The following ARHGEF26 variants were observed in gnomAD, a reference collection of about 807,000 sequenced individuals.
ARHGEF26 encodes the protein Rho guanine nucleotide exchange factor (GEF) 26.
In ARHGEF26, 59 loss-of-function variants were observed where a neutral mutation model predicts 89.4. That is an observed-to-expected ratio of 0.66 (90% confidence interval 0.54 to 0.82). The LOEUF (loss-of-function observed/expected upper bound fraction) is 0.82, where lower values mean the gene tolerates loss of function less well. ARHGEF26 is among the 40% of genes least tolerant of loss of function. The pLI, the probability that ARHGEF26 is intolerant of heterozygous loss-of-function variation, is 0.00. For synonymous variants in ARHGEF26, 500 were observed against 428.4 expected (o/e 1.17, Z -2.06); for missense variants, 1,234 against 1,085.6 (o/e 1.14, Z -1.92).
At chr3:154,249,455 A>G (rs557471552) in intron 12 of ARHGEF26, among the ~76,000 whole-genome samples, 1 of 152,370 alleles carries the variant, frequency 6.6e-6, no homozygotes, top group African/African-American at 2.4e-5. Flanking sequence ...GAGGGTTATG[A>G]AAAGACTACA....
chr3:154,126,940 A>G (rs954955751), intron 3 of ARHGEF26, among the ~76,000 whole-genome samples: 2 of 152,232 alleles, frequency 1.3e-5, no homozygotes, highest in African/African-American at 4.8e-5. Flanking sequence ...ATGTTACTGT[A>G]CTGAATACTG....
intron 10 of ARHGEF26, among the ~76,000 whole-genome samples, chr3:154,219,453 G>T (rs1390055347): frequency 6.6e-6 from 1 of 151,886 alleles, no homozygotes; most frequent in East Asian, 1.9e-4. Flanking sequence ...AAATTAGCCG[G>T]GTGTAGTGGC....
At chr3:154,187,616 G>A (rs1713661916) in intron 6 of ARHGEF26, 69 bp from the exon 7 acceptor site, 3 of 1,335,444 alleles carry the variant, frequency 2.2e-6, no homozygotes, top group Non-Finnish European at 2.0e-6. Flanking sequence ...AACATTACAT[G>A]AGGCTAATCT....
chr3:154,214,021 GAGTC>G (rs1308737637), intron 9 of ARHGEF26, among the ~76,000 whole-genome samples: 1 of 152,100 alleles, frequency 6.6e-6, no homozygotes, highest in Non-Finnish European at 1.5e-5. Context: ...TCTAGATAAG[GAGTC>G]AGTCGGACAG....
At position 154,256,894 on chromosome 3, in the gene ARHGEF26, A is replaced by G. The variant is rs1718554254; in HGVS notation, c.*1421A>G. ...GCACAGAGAGAGAAAGGTTATCTTA[A>G]TAGTCGGTTTCATGGAGATGAAGGA... On this transcript the variant is annotated 3_prime_UTR_variant, in exon 15 of 15. Coordinates refer to ENST00000465093, the MANE Select transcript of ARHGEF26 (RefSeq NM_015595.4). The G allele has an allele frequency of 1.3e-6, 2 of 1,535,054 alleles. No homozygotes were observed. Among genetic ancestry groups the G allele is most frequent in the African/African-American group, 2.7e-5 (2 of 72,998 alleles).
intron 5 of ARHGEF26, among the ~76,000 whole-genome samples, chr3:154,149,867 C>T (rs916983982): frequency 3.3e-5 from 5 of 151,252 alleles, no homozygotes; most frequent in Non-Finnish European, 7.4e-5. Flanking sequence ...GGTCTCTGAA[C>T]CCTTTTTGCA....
intron 6 of ARHGEF26, among the ~76,000 whole-genome samples, chr3:154,156,345 C>T (rs547114520): frequency 6.6e-6 from 1 of 151,976 alleles, no homozygotes; most frequent in African/African-American, 2.4e-5. Flanking sequence ...TCTGTCATAG[C>T]TTATCGTAAG....
chr3:154,198,674 C>T (rs1714435165), intron 9 of ARHGEF26, among the ~76,000 whole-genome samples: 1 of 152,006 alleles, frequency 6.6e-6, no homozygotes, highest in African/African-American at 2.4e-5. Context: ...GGGAGCTAAG[C>T]TATGAGGATG....
chr3:154,225,160 A>AT (rs1341779255), intron 10 of ARHGEF26, among the ~76,000 whole-genome samples: 1 of 152,106 alleles, frequency 6.6e-6, no homozygotes, highest in East Asian at 1.9e-4. Context: ...GCAGTATGTA[A>AT]TTTTTTGGAT....
intron 11 of ARHGEF26, among the ~76,000 whole-genome samples, chr3:154,230,932 C>G (rs1467608345): frequency 2.1e-4 from 32 of 152,224 alleles, no homozygotes; most frequent in Admixed American, 2.1e-3. Context: ...TGTGCAGGCT[C>G]CCTTGAAAGG....
At position 154,152,904 on chromosome 3, in the gene ARHGEF26, A is replaced by G; in HGVS notation, c.1459A>G (p.Ile487Val). ...KTERHHLFSN[I>V]TDVCEASKKF... ...CGAGAGGCACCATCTTTTCTCCAAT[A>G]TTACAGATGTCTGTGAGGCAAGCAA... The change falls in exon 6 of 15, where the codon ATT (isoleucine) becomes GTT (valine). Residue 487 changes from isoleucine (I) to valine (V), a missense_variant. Physicochemically the swap from Ile to Val is conservative, Grantham distance 29 (BLOSUM62 3). Transcript: ENST00000465093. The G allele has an allele frequency of 6.3e-7, 1 of 1,597,348 alleles. No homozygotes were observed. Among genetic ancestry groups the G allele is most frequent in the Non-Finnish European group, 8.5e-7 (1 of 1,172,558 alleles).
chr3:154,163,001 C>CA (rs1483281825), intron 6 of ARHGEF26, among the ~76,000 whole-genome samples: 1 of 152,126 alleles, frequency 6.6e-6, no homozygotes, highest in African/African-American at 2.4e-5. Context: ...TTTCACTTTG[C>CA]AAACATTTAT....
chr3:154,137,231 A>T (rs1376661607), intron 4 of ARHGEF26, among the ~76,000 whole-genome samples: 1 of 152,166 alleles, frequency 6.6e-6, no homozygotes, highest in Admixed American at 6.5e-5. Flanking sequence ...TTAATGAATT[A>T]TCATGGGAGG....
chr3:154,204,980 G>C (rs1366327566), intron 9 of ARHGEF26, among the ~76,000 whole-genome samples: 3 of 152,196 alleles, frequency 2.0e-5, no homozygotes, highest in African/African-American at 7.2e-5. Flanking sequence ...GTATTTTATA[G>C]CTCCTGGATG....
intron 6 of ARHGEF26, among the ~76,000 whole-genome samples, chr3:154,161,409 C>A (rs1486240993): frequency 6.6e-6 from 1 of 151,874 alleles, no homozygotes; most frequent in Non-Finnish European, 1.5e-5. Flanking sequence ...TATACTTAAC[C>A]TTATAAGATT....
At chr3:154,169,905 T>A (rs762107023) in intron 6 of ARHGEF26, among the ~76,000 whole-genome samples, 1 of 152,188 alleles carries the variant, frequency 6.6e-6, no homozygotes, top group Non-Finnish European at 1.5e-5. Flanking sequence ...AGTAATTCAA[T>A]GTTCACAGCA....
At chr3:154,204,181 T>C (rs772076429) in intron 9 of ARHGEF26, among the ~76,000 whole-genome samples, 42 of 152,258 alleles carry the variant, frequency 2.8e-4, no homozygotes, top group Non-Finnish European at 3.7e-4. Context: ...TACTTGTTAC[T>C]GGTCTATTCA....
At chr3:154,145,628 A>G (rs1719654570) in intron 4 of ARHGEF26, among the ~76,000 whole-genome samples, 1 of 152,176 alleles carries the variant, frequency 6.6e-6, no homozygotes, top group Non-Finnish European at 1.5e-5. Flanking sequence ...AATAGAAGGA[A>G]TGCACATTCA....
At chr3:154,147,523 C>T (rs979862697) in intron 4 of ARHGEF26, among the ~76,000 whole-genome samples, 5 of 152,168 alleles carry the variant, frequency 3.3e-5, no homozygotes, top group Admixed American at 1.3e-4. Context: ...TTCTTTCCCA[C>T]GAATGGAGAC....
Sources: gnomAD v4.1 joint callset for allele counts (sites outside exome capture counted in the v4.1 genomes callset) on GRCh38, gnomAD v4.1.1 for gene constraint, MANE v1.5 for transcripts, NCBI Gene and HGNC (gene_info 2026-07-23, HGNC 2026-07-21) for gene names.